The following LARP1B variants were observed in gnomAD, a reference collection of about 807,000 sequenced individuals.
The protein encoded by LARP1B is la-related protein 1B.
LARP1B carries 76 observed loss-of-function variants against 114.2 expected under a neutral mutation model. That is an observed-to-expected ratio of 0.67 (90% CI 0.55 to 0.81). LARP1B has a LOEUF of 0.81. LARP1B is among the 30% of genes least tolerant of loss of function. The pLI is 0.00. For synonymous variants in LARP1B, 345 were observed against 348.0 expected (o/e 0.99, Z 0.10); for missense variants, 1,014 against 1,075.8 (o/e 0.94, Z 0.80).
intron 11 of LARP1B, chr4:128,123,390 C>T (rs1340240116): frequency 1.0e-6 from 1 of 970,780 alleles, no homozygotes; most frequent in Non-Finnish European, 1.2e-6. Context: ...GTAAGTAATA[C>T]CTATCTTAAA....
rs1788391866 is a variant in LARP1B at position 128,122,645 on chromosome 4, G to A, written c.1524+457G>A. The A allele has an allele frequency of 6.2e-6, 9 of 1,444,384 alleles. No homozygotes were observed. The East Asian group carries it at 2.2e-4, about 36-fold the overall frequency. The allele number at this position is 1,444,384 out of a possible 1,614,324, so 89.5% of individuals were successfully genotyped here. On this transcript the variant is annotated intron_variant, in intron 11 of 19. Coordinates refer to ENST00000326639, the MANE Select transcript of LARP1B (RefSeq NM_018078.4). ...TGCCTCTTTCTGTTTTCCCCACTTA[G>A]TCTATGGTGCATGATCTAAGGTAGT...
chr4:128,141,012 C>T (rs1368684812), intron 11 of LARP1B, among the ~76,000 whole-genome samples: 2 of 152,036 alleles, frequency 1.3e-5, no homozygotes, highest in Non-Finnish European at 2.9e-5. Flanking sequence ...GATGGAGTTT[C>T]ATCATCTTGG....
intron 5 of LARP1B, among the ~76,000 whole-genome samples, chr4:128,085,408 C>T (rs1248770287): frequency 7.0e-6 from 1 of 143,714 alleles, no homozygotes; most frequent in Admixed American, 7.1e-5. Context: ...TTCTGTTGCC[C>T]AGGCTGGAGT....
intron 15 of LARP1B, among the ~76,000 whole-genome samples, chr4:128,197,241 TC>T (rs778292917): frequency 2.0e-5 from 3 of 152,204 alleles, no homozygotes; most frequent in Non-Finnish European, 4.4e-5. Context: ...ACACAAAAAC[TC>T]CTAAAATTCT....
At chr4:128,181,838 C>T (rs1258499351) in intron 15 of LARP1B, among the ~76,000 whole-genome samples, 2 of 133,778 alleles carry the variant, frequency 1.5e-5, no homozygotes, top group Admixed American at 8.1e-5. Flanking sequence ...CGAAGTCTCG[C>T]TCTGTCGCCC....
chr4:128,211,050 T>C lies in LARP1B; in HGVS notation c.*997T>C. On this transcript the variant is annotated 3_prime_UTR_variant, in exon 20 of 20. Coordinates refer to ENST00000326639, the MANE Select transcript of LARP1B (RefSeq NM_018078.4). ...TTTTCAAGAGTTATAGCAAATTGAT[T>C]TCTAATTTTTATTGCTATTACAACT... The C allele has an allele frequency of 1.1e-6, 1 of 906,140 alleles. No individual in the cohort carries two copies. Among genetic ancestry groups the C allele is most frequent in the Non-Finnish European group, 1.3e-6 (1 of 757,920 alleles). 56.1% of individuals were successfully genotyped at this position (906,140 alleles called of 1,614,324 possible).
chr4:128,180,716 A>G (rs1414629403), intron 15 of LARP1B, among the ~76,000 whole-genome samples: 1 of 152,220 alleles, frequency 6.6e-6, no homozygotes. Flanking sequence ...GCTGCTATAA[A>G]CATCTATGTA....
At chr4:128,163,461 T>C (rs1739399394) in intron 12 of LARP1B, among the ~76,000 whole-genome samples, 1 of 152,186 alleles carries the variant, frequency 6.6e-6, no homozygotes, top group Non-Finnish European at 1.5e-5. Flanking sequence ...GATCAGTGAG[T>C]GAAGCTTTTA....
intron 7 of LARP1B, among the ~76,000 whole-genome samples, chr4:128,097,073 A>G (rs1424428893): frequency 2.0e-5 from 3 of 149,536 alleles, no homozygotes; most frequent in Non-Finnish European, 3.0e-5. Flanking sequence ...TAGTTTTTGT[A>G]TTTTAGTAGA....
intron 12 of LARP1B, 104 bp from the exon 13 acceptor site, chr4:128,176,768 A>G (rs2150629906): frequency 9.7e-7 from 1 of 1,034,310 alleles, no homozygotes; most frequent in East Asian, 2.6e-5. Flanking sequence ...CTTGGCATCT[A>G]TGGGATGATA....
At chr4:128,202,650 A>C (rs1221315292) in intron 17 of LARP1B, among the ~76,000 whole-genome samples, 1 of 152,160 alleles carries the variant, frequency 6.6e-6, no homozygotes. Flanking sequence ...ATTTCCACCC[A>C]AGTCTAGGTT....
chr4:128,159,107 A>G (rs1194107042), intron 11 of LARP1B, among the ~76,000 whole-genome samples: 2 of 151,828 alleles, frequency 1.3e-5, no homozygotes, highest in Non-Finnish European at 2.9e-5. Flanking sequence ...CAGGAGTTCA[A>G]GGCTACAGAG....
chr4:128,100,762 A>T (rs1780031380), intron 8 of LARP1B, among the ~76,000 whole-genome samples: 1 of 151,290 alleles, frequency 6.6e-6, no homozygotes, highest in African/African-American at 2.4e-5. Context: ...GTATTTTGCA[A>T]ATATTTTTTC....
chr4:128,124,796 G>C (rs1047146764), intron 11 of LARP1B, among the ~76,000 whole-genome samples: 8 of 152,202 alleles, frequency 5.3e-5, no homozygotes, highest in Non-Finnish European at 2.9e-5. Context: ...CTTGAGGAAT[G>C]ATTATATAGG....
intron 12 of LARP1B, among the ~76,000 whole-genome samples, chr4:128,171,004 T>G (rs1743431063): frequency 6.6e-6 from 1 of 152,080 alleles, no homozygotes; most frequent in Non-Finnish European, 1.5e-5. Context: ...TAATTGTTTT[T>G]AGTGATTGCT....
Position 128,121,832 on chromosome 4 carries a change from G to A in LARP1B, c.1168G>A (p.Val390Met). Reference sequence around the variant, plus strand: ...TACCAATTTCTTCCTTCAGGAATCAGTGTCTGTCCCTGAAGGGTCATTAAA... The same window carrying A: ...TACCAATTTCTTCCTTCAGGAATCAATGTCTGTCCCTGAAGGGTCATTAAA... ...QPAPVKLRESVSVPEGSLNQL... is the reference protein window; with the variant it reads ...QPAPVKLRESMSVPEGSLNQL... Residue 390 changes from valine to methionine, a missense_variant, in exon 11 of 20, where the codon GTG becomes ATG. Coordinates refer to ENST00000326639, the MANE Select transcript of LARP1B (RefSeq NM_018078.4). 1 of 1,549,628 alleles carries A rather than the reference G, an allele frequency of 6.5e-7. No homozygotes were observed. Among genetic ancestry groups the A allele is most frequent in the African/African-American group, 1.4e-5 (1 of 72,562 alleles).
At chr4:128,203,392 T>G (rs938543665) in intron 17 of LARP1B, among the ~76,000 whole-genome samples, 1 of 150,266 alleles carries the variant, frequency 6.7e-6, no homozygotes, top group Non-Finnish European at 1.5e-5. Context: ...CTTTTTTTCT[T>G]TGAGACAAAG....
intron 8 of LARP1B, among the ~76,000 whole-genome samples, chr4:128,106,651 T>A (rs879498943): frequency 2.0e-5 from 3 of 151,852 alleles, no homozygotes; most frequent in Non-Finnish European, 4.4e-5. Flanking sequence ...TGATCTTTGA[T>A]TAAGTTTATT....
chr4:128,090,098 A>G (rs1220989217), intron 5 of LARP1B, among the ~76,000 whole-genome samples: 5 of 116,436 alleles, frequency 4.3e-5, no homozygotes, highest in African/African-American at 1.0e-4. Flanking sequence ...TTGGAGAGGG[A>G]ATCTCGCTCT....
Sources: gnomAD v4.1 joint callset for allele counts (sites outside exome capture counted in the v4.1 genomes callset) on GRCh38, gnomAD v4.1.1 for gene constraint, MANE v1.5 for transcripts, NCBI Gene and HGNC (gene_info 2026-07-23, HGNC 2026-07-21) for gene names.